Variants in PCM1 observed in about 807,000 individuals in gnomAD.
PCM1 encodes the protein pericentriolar material 1 protein.
PCM1 carries 157 observed loss-of-function variants against 241.9 expected under a neutral mutation model. The observed-to-expected ratio is 0.65, with a 90% CI of 0.57 to 0.74. The LOEUF is 0.74. PCM1 is among the 30% of genes least tolerant of loss of function. The pLI is 0.00. For synonymous variants in PCM1, 1,085 were observed against 784.9 expected (o/e 1.38, Z -6.39); for missense variants, 3,478 against 2,360.1 (o/e 1.47, Z -9.81).
Position 17,996,152 on chromosome 8 carries a change from T to C in PCM1, c.4827+2533T>C, listed in dbSNP as rs1454628287. The stretch of plus-strand genomic sequence containing the variant: ...TGGCTTTCAGTGTTTCCCCATTTAG[T>C]ATGATACTAGCTGTGGGTCTGTTGT... On this transcript the variant is annotated intron_variant, in intron 29 of 38. Coordinates refer to ENST00000325083, the MANE Select transcript of PCM1 (RefSeq NM_006197.4). 2.0e-5 allele frequency among the ~76,000 whole-genome samples: 3 copies of C among 152,200 alleles called. No homozygotes were observed. In the East Asian group the frequency reaches 5.8e-4, roughly 29 times the overall value.
intron 7 of PCM1, among the ~76,000 whole-genome samples, chr8:17,949,429 C>G (rs1252165675): frequency 6.6e-6 from 1 of 151,238 alleles, no homozygotes; most frequent in African/African-American, 2.4e-5. Context: ...ATTCTCAGTT[C>G]TCAGTGGAAA....
At chr8:17,956,898 AT>A in intron 11 of PCM1, 121 bp downstream of exon 11, 2 of 811,340 alleles carry the variant, frequency 2.5e-6, no homozygotes, top group Non-Finnish European at 3.9e-6. Context: ...GCTTTCTACT[AT>A]TTTGGTCAGT....
intron 36 of PCM1, among the ~76,000 whole-genome samples, chr8:18,017,161 G>C (rs977472747): frequency 2.4e-5 from 2 of 82,824 alleles, no homozygotes; most frequent in Non-Finnish European, 6.6e-5. Flanking sequence ...AAAACATCTA[G>C]AAGCTATCCC....
intron 2 of PCM1, chr8:17,927,793 C>T (rs1242387170): frequency 1.3e-5 from 2 of 151,358 alleles, no homozygotes; most frequent in Non-Finnish European, 2.9e-5. Context: ...TCGTGATCCG[C>T]CCGCCTCAGC....
Position 17,957,524 on chromosome 8 carries a change from T to A in PCM1, c.1805-16T>A, listed in dbSNP as rs1364425055. 2 of 1,600,996 alleles carry A rather than the reference T, an allele frequency of 1.2e-6. No individual in the cohort carries two copies. The highest frequency in any genetic ancestry group is 1.7e-6 in the Non-Finnish European group (2 of 1,171,314). On this transcript the variant is annotated splice_polypyrimidine_tract_variant and intron_variant, in intron 12 of 38. Transcript: ENST00000325083. ...CTTTAAAAGTTACTGGTTTTAATTA[T>A]ACATGTTTTCAGCAGATTGTCGATA...
chr8:17,988,020 A>G (rs888800081), intron 26 of PCM1, among the ~76,000 whole-genome samples: 3 of 151,720 alleles, frequency 2.0e-5, no homozygotes, highest in African/African-American at 7.2e-5. Context: ...TCTCTTGCCT[A>G]GGGAAGAGAG....
At position 17,957,870 on chromosome 8, in the gene PCM1, A is replaced by G. The variant is rs1586800952; in HGVS notation, c.2040+95A>G. The G allele has an allele frequency of 7.4e-6, 6 of 807,886 alleles. No individual in the cohort carries two copies. In the East Asian group the frequency reaches 1.5e-4, roughly 21 times the overall value. 50.0% of individuals were successfully genotyped at this position (807,886 alleles called of 1,614,324 possible). ...ATAATTACTTTGGTTTAATTATACT[A>G]ATACACATTTATGTATCATATGTGA... On this transcript the variant is annotated intron_variant, in intron 13 of 38. Transcript: ENST00000325083.
At chr8:18,019,703 G>C (rs1232768314) in intron 36 of PCM1, among the ~76,000 whole-genome samples, 1 of 151,976 alleles carries the variant, frequency 6.6e-6, no homozygotes, top group Non-Finnish European at 1.5e-5. Context: ...GAGCTCAGGT[G>C]AGAATGTGAG....
chr8:18,023,895 C>G (rs1391486759), intron 36 of PCM1, among the ~76,000 whole-genome samples: 2 of 152,126 alleles, frequency 1.3e-5, no homozygotes, highest in East Asian at 3.8e-4. Context: ...ACAACTTTAC[C>G]TGACTTTTCA....
intron 36 of PCM1, among the ~76,000 whole-genome samples, chr8:18,016,034 G>T (rs180886100): frequency 1.3e-5 from 2 of 152,286 alleles, no homozygotes; most frequent in Admixed American, 6.5e-5. Flanking sequence ...GATTACAGAC[G>T]TGTGTCACCA....
chr8:17,932,813 C>G (rs1307825670), intron 2 of PCM1, among the ~76,000 whole-genome samples: 1 of 151,962 alleles, frequency 6.6e-6, no homozygotes, highest in Non-Finnish European at 1.5e-5. Context: ...GTTTAAAATT[C>G]TGTTTTAATC....
chr8:17,932,147 C>G (rs1479397154), intron 2 of PCM1, among the ~76,000 whole-genome samples: 1 of 152,034 alleles, frequency 6.6e-6, no homozygotes, highest in East Asian at 1.9e-4. Flanking sequence ...AGTATTCTAC[C>G]CAGCAAGTGT....
At chr8:17,939,669 A>T (rs188173971) in intron 5 of PCM1, 22 bp from the exon 6 acceptor site, 24,879 of 1,374,556 alleles carry the variant, frequency 0.018, 373 homozygotes, top group South Asian at 0.05. Flanking sequence ...TGCTTTTTTT[A>T]AAAAAAATAT....
chr8:18,023,803 G>C (rs969878238), intron 36 of PCM1, among the ~76,000 whole-genome samples: 13 of 152,244 alleles, frequency 8.5e-5, no homozygotes, highest in Non-Finnish European at 1.6e-4. Flanking sequence ...TCACACGTCA[G>C]ATGATTGCCA....
chr8:17,996,671 T>C (rs901266179), intron 29 of PCM1, among the ~76,000 whole-genome samples: 2 of 152,204 alleles, frequency 1.3e-5, no homozygotes, highest in Non-Finnish European at 2.9e-5. Context: ...TCCATTGTTT[T>C]CGTATCTGTT....
Position 17,939,745 on chromosome 8 carries a change from C to T in PCM1, c.667C>T (p.Arg223Trp), listed in dbSNP as rs199817437. Residue 223 changes from arginine to tryptophan, a missense_variant, in exon 6 of 39, where the codon CGG (arginine) becomes TGG (tryptophan). Coordinates refer to ENST00000325083, the MANE Select transcript of PCM1 (RefSeq NM_006197.4). ...RDYITKASSM[R>W]EDLVEKNERS... Reference sequence around the variant, plus strand: ...TTATATTACTAAAGCTAGTTCCATGCGGGAAGATCTTGTAGAGAAAAATGA... The same window carrying T: ...TTATATTACTAAAGCTAGTTCCATGTGGGAAGATCTTGTAGAGAAAAATGA... The T allele has an allele frequency of 3.3e-5, 51 of 1,558,084 alleles. No individual in the cohort carries two copies. The highest frequency in any genetic ancestry group is 1.1e-4 in the African/African-American group (8 of 73,702).
At position 17,963,280 on chromosome 8, in the gene PCM1, T is replaced by C. The variant is rs761579007; in HGVS notation, c.2643T>C (p.Ser881=). 8.8e-6 allele frequency: 14 copies of C among 1,583,544 alleles called. No individual in the cohort carries two copies. The South Asian group carries it at 1.7e-4, about 19-fold the overall frequency. The change falls in exon 17 of 39, where the codon AGT becomes AGC. Residue 881 remains serine (S), a synonymous_variant. Transcript: ENST00000325083. ...GSENLCTPQQ[S]RTEKTMATWG... ...AGAACCTATGTACTCCTCAGCAAAGTAGAACAGAAAAGTAAGAGAGCTGCA... is the reference window on the plus strand; with the variant it reads ...AGAACCTATGTACTCCTCAGCAAAGCAGAACAGAAAAGTAAGAGAGCTGCA...
chr8:18,010,715 G>T, intron 32 of PCM1, 47 bp downstream of exon 32: 2 of 1,368,824 alleles, frequency 1.5e-6, no homozygotes, highest in Non-Finnish European at 2.0e-6. Context: ...GGGCGCGGTG[G>T]CTCACCCCCG....
chr8:18,016,971 G>T (rs10503607), intron 36 of PCM1, among the ~76,000 whole-genome samples: 20,220 of 152,198 alleles, frequency 0.13, 1,923 homozygotes, highest in African/African-American at 0.28. Flanking sequence ...GCTGAGGAAT[G>T]TAGATTTAGA....
Sources: gnomAD v4.1 joint callset for allele counts (sites outside exome capture counted in the v4.1 genomes callset) on GRCh38, gnomAD v4.1.1 for gene constraint, MANE v1.5 for transcripts, NCBI Gene and HGNC (gene_info 2026-07-23, HGNC 2026-07-21) for gene names.